The following KANK1 variants were observed in gnomAD, a reference collection of about 807,000 sequenced individuals.
KANK1 encodes the protein KN motif and ankyrin repeat domains 1.
In KANK1, 109 loss-of-function variants were observed where a neutral mutation model predicts 106.2. The observed-to-expected ratio is 1.03, with a 90% CI of 0.88 to 1.20. The LOEUF is 1.20. Among genes scored for constraint, KANK1 ranks in the 50% most tolerant of loss-of-function variants. The pLI is 0.00. For synonymous variants in KANK1, 873 were observed against 652.2 expected, an observed-to-expected ratio of 1.34 and a Z score of -5.16; for missense variants, 2,399 against 1,710.7, an observed-to-expected ratio of 1.40 and a Z score of -7.10.
chr9:488,484 C>T (rs1292837848), intron 3 of KANK1, among the ~76,000 whole-genome samples: 1 of 152,218 alleles, frequency 6.6e-6, no homozygotes, highest in African/African-American at 2.4e-5. Flanking sequence ...AACTTGGAGA[C>T]AAAATCTGGA....
chr9:547,638 A>G (rs1200179503), intron 1 of KANK1, among the ~76,000 whole-genome samples: 1 of 151,510 alleles, frequency 6.6e-6, no homozygotes, highest in East Asian at 1.9e-4. Flanking sequence ...GCCTCTTTCT[A>G]TTAAATTGTC....
At chr9:664,319 G>A (rs10815442) in intron 1 of KANK1, among the ~76,000 whole-genome samples, 44,048 of 151,956 alleles carry the variant, frequency 0.29, 6,968 homozygotes, top group South Asian at 0.48. Context: ...GAGAACATGC[G>A]ACATTGTCTT....
intron 1 of KANK1, among the ~76,000 whole-genome samples, chr9:615,930 G>T (rs1319765735): frequency 1.3e-5 from 2 of 152,156 alleles, no homozygotes; most frequent in Non-Finnish European, 2.9e-5. Context: ...GGTGCCAGCT[G>T]ATAGCATATG....
At chr9:650,845 AC>A (rs1840731241) in intron 1 of KANK1, among the ~76,000 whole-genome samples, 1 of 152,180 alleles carries the variant, frequency 6.6e-6, no homozygotes, top group African/African-American at 2.4e-5. Flanking sequence ...GGCTTATTTT[AC>A]ATCTATTAAA....
intron 2 of KANK1, among the ~76,000 whole-genome samples, chr9:679,726 T>C (rs1817145661): frequency 6.6e-6 from 1 of 152,216 alleles, no homozygotes; most frequent in South Asian, 2.1e-4. Flanking sequence ...AAAGTATAGA[T>C]GTGTGTTGTA....
intron 2 of KANK1, among the ~76,000 whole-genome samples, chr9:695,231 T>C (rs541072276): frequency 1.8e-4 from 27 of 152,274 alleles, no homozygotes; most frequent in African/African-American, 6.3e-4. Flanking sequence ...CTTTGCACAG[T>C]GTGTTAGAGA....
chr9:608,950 T>C (rs1168358626), intron 1 of KANK1, among the ~76,000 whole-genome samples: 1 of 152,146 alleles, frequency 6.6e-6, no homozygotes, highest in East Asian at 1.9e-4. Flanking sequence ...AAATAACACA[T>C]GGGCGTATAC....
Position 712,915 on chromosome 9 carries a change from G to A in KANK1, c.2149G>A (p.Val717Ile), listed in dbSNP as rs779123324. 1.2e-6 allele frequency: 2 copies of A among 1,614,160 alleles called. No individual in the cohort carries two copies. The highest frequency in any genetic ancestry group is 1.6e-4 in the Middle Eastern group (1 of 6,062). The change falls in exon 3 of 12, where the codon GTA becomes ATA. Residue 717 changes from valine (V) to isoleucine (I), a missense_variant. Transcript: ENST00000382297. Reference protein sequence around the residue: ...TSTQTVETRTVAVGEGRVKDI... With the variant: ...TSTQTVETRTIAVGEGRVKDI... Reference sequence around the variant, plus strand: ...CACCCAGACTGTGGAGACGCGGACAGTAGCTGTAGGAGAAGGCCGTGTCAA... The same window carrying A: ...CACCCAGACTGTGGAGACGCGGACAATAGCTGTAGGAGAAGGCCGTGTCAA...
rs28549742 is a variant in KANK1 at position 563,629 on chromosome 9, G to C, written c.-84+58875G>C. On this transcript the variant is annotated intron_variant, in intron 1 of 11. Coordinates refer to ENST00000382297, the MANE Select transcript of KANK1 (RefSeq NM_015158.5). ...TTTCAAATAGGCAGTAGACCCATTCGTTTCTTATCCTTGGGTGTGAGGTCA... is the reference window on the plus strand; with the variant it reads ...TTTCAAATAGGCAGTAGACCCATTCCTTTCTTATCCTTGGGTGTGAGGTCA... Among the ~76,000 whole-genome samples the C allele has an allele frequency of 3.5e-3, 533 of 152,264 alleles. 5 individuals are homozygous for C. The highest frequency in any genetic ancestry group is 0.011 in the African/African-American group (461 of 41,536).
chr9:657,323 G>T (rs1284244663), intron 1 of KANK1, among the ~76,000 whole-genome samples: 4 of 152,146 alleles, frequency 2.6e-5, no homozygotes, highest in African/African-American at 9.7e-5. Flanking sequence ...GAATAATTCT[G>T]TAGTGAACAT....
At position 716,749 on chromosome 9, in the gene KANK1, G is replaced by C. The variant is rs150612548; in HGVS notation, c.2698+3285G>C. 1.1e-4 allele frequency among the ~76,000 whole-genome samples: 17 copies of C among 152,256 alleles called. 1 individual carries two copies. In the East Asian group the frequency reaches 3.1e-3, roughly 28 times the overall value. ...ATTTAATTTCTTAAAATTACAACTA[G>C]AGCATGCATCATAAGAAATTAATAG... is the stretch of plus-strand genomic sequence containing the variant. On this transcript the variant is annotated intron_variant, in intron 3 of 11. Transcript: ENST00000382297.
rs1020322457 is a variant in KANK1, at chr9:732,555, C to T, written c.3183C>T (p.Ala1061=). Residue 1061 remains alanine, a synonymous_variant, in exon 6 of 12, where the codon GCC becomes GCT. Coordinates refer to ENST00000382297, the MANE Select transcript of KANK1 (RefSeq NM_015158.5). Reference sequence around the variant, plus strand: ...TTAATATTGAAGGTTTGAAGTCTGCCAGGGTGGAAGATGAAATGCAGGTTC... The same window carrying T: ...TTAATATTGAAGGTTTGAAGTCTGCTAGGGTGGAAGATGAAATGCAGGTTC... ...HAVNIEGLKS[A]RVEDEMQVQE... is the part of the protein sequence containing the mutation. 1.2e-6 allele frequency: 2 copies of T among 1,614,078 alleles called. No individual in the cohort carries two copies.
At chr9:645,648 A>C (rs1839506661) in intron 1 of KANK1, among the ~76,000 whole-genome samples, 1 of 149,932 alleles carries the variant, frequency 6.7e-6, no homozygotes. Flanking sequence ...TTGTGAGGCC[A>C]AGGTGGGCGG....
chr9:666,798 A>G (rs1300351334), intron 1 of KANK1, among the ~76,000 whole-genome samples: 6 of 151,910 alleles, frequency 3.9e-5, no homozygotes, highest in African/African-American at 1.5e-4. Flanking sequence ...CCACTTGATA[A>G]TGTTGAATGA....
intron 1 of KANK1, among the ~76,000 whole-genome samples, chr9:632,738 G>A (rs1836049993): frequency 6.6e-6 from 1 of 152,184 alleles, no homozygotes; most frequent in Non-Finnish European, 1.5e-5. Flanking sequence ...TGCCCAGGCT[G>A]TAGTGCAGTG....
At chr9:618,516 C>A (rs1173479403) in intron 1 of KANK1, among the ~76,000 whole-genome samples, 1 of 152,066 alleles carries the variant, frequency 6.6e-6, no homozygotes, top group Non-Finnish European at 1.5e-5. Flanking sequence ...CCCCAGATTA[C>A]ATTTTTAAAA....
chr9:742,027 A>ATAG (rs1835720220), intron 9 of KANK1, among the ~76,000 whole-genome samples, 178 bp from the exon 10 acceptor site: 1 of 152,124 alleles, frequency 6.6e-6, no homozygotes, highest in African/African-American at 2.4e-5. Context: ...TCCTTTGCTC[A>ATAG]TAGCTCATGG....
chr9:744,610 A>C, intron 11 of KANK1, 21 bp downstream of exon 11: 1 of 1,614,120 alleles, frequency 6.2e-7, no homozygotes, highest in East Asian at 2.2e-5. Context: ...TGCATTTGGC[A>C]TTTGTAAATA....
intron 1 of KANK1, among the ~76,000 whole-genome samples, chr9:630,625 G>T (rs1164417470): frequency 6.6e-6 from 1 of 152,124 alleles, no homozygotes; most frequent in Non-Finnish European, 1.5e-5. Flanking sequence ...CTTAGGGCTG[G>T]GCGCGGTGGC....
Sources: gnomAD v4.1 joint callset for allele counts (sites outside exome capture counted in the v4.1 genomes callset) on GRCh38, gnomAD v4.1.1 for gene constraint, MANE v1.5 for transcripts, NCBI Gene and HGNC (gene_info 2026-07-23, HGNC 2026-07-21) for gene names.